The following ACACA variants were observed in gnomAD, a reference collection of about 807,000 sequenced individuals.
The protein encoded by ACACA is acetyl-CoA carboxylase alpha.
In ACACA, 103 loss-of-function variants were observed where a neutral mutation model predicts 296.1. The observed-to-expected ratio is 0.35, with a 90% CI of 0.30 to 0.41. The LOEUF (loss-of-function observed/expected upper bound fraction) is 0.41. Among genes scored for constraint, ACACA ranks in the 10% least tolerant of loss-of-function variants. ACACA has a pLI of 1.00. For synonymous variants in ACACA, 953 were observed against 1,038.6 expected (o/e 0.92, Z 1.58); for missense variants, 1,554 against 2,989.7 (o/e 0.52, Z 11.20).
intron 50 of ACACA, among the ~76,000 whole-genome samples, chr17:37,114,740 T>C (rs987170628): frequency 3.9e-5 from 6 of 152,278 alleles, no homozygotes; most frequent in African/African-American, 1.4e-4. Context: ...AGATGTTTAA[T>C]GAGTACTTCA....
intron 11 of ACACA, among the ~76,000 whole-genome samples, chr17:37,260,348 G>C (rs1362285418): frequency 1.6e-5 from 2 of 125,782 alleles, no homozygotes; most frequent in Non-Finnish European, 3.2e-5. Context: ...CACCCACCCA[G>C]GATGGAGCAC....
At chr17:37,287,589 A>AC (rs2082841383) in intron 3 of ACACA, among the ~76,000 whole-genome samples, 3 of 147,870 alleles carry the variant, frequency 2.0e-5, no homozygotes, top group Non-Finnish European at 4.5e-5. Context: ...AAAAAAAAAA[A>AC]ACAAATATCC....
intron 14 of ACACA, among the ~76,000 whole-genome samples, chr17:37,255,309 T>C (rs2081179226): frequency 6.6e-6 from 1 of 152,144 alleles, no homozygotes; most frequent in Non-Finnish European, 1.5e-5. Context: ...TATACTGGAA[T>C]ATATGAGTTG....
intron 45 of ACACA, among the ~76,000 whole-genome samples, chr17:37,135,137 C>T (rs893573820): frequency 1.3e-5 from 2 of 152,210 alleles, no homozygotes; most frequent in African/African-American, 2.4e-5. Flanking sequence ...GTAATTCAAT[C>T]TCCAATTAAC....
At chr17:37,365,850 C>G in intron 1 of ACACA, 1 of 462,350 alleles carries the variant, frequency 2.2e-6, no homozygotes, top group Non-Finnish European at 2.8e-6. Context: ...CATGGCATTT[C>G]TGCTCTCACT....
intron 3 of ACACA, among the ~76,000 whole-genome samples, chr17:37,303,118 C>T (rs932901993): frequency 6.6e-6 from 1 of 152,102 alleles, no homozygotes; most frequent in Non-Finnish European, 1.5e-5. Context: ...TTTATTACCT[C>T]CAAAAGAAAC....
chr17:37,101,360 C>CAAAGCT (rs937985647), intron 52 of ACACA, among the ~76,000 whole-genome samples: 11 of 152,120 alleles, frequency 7.2e-5, no homozygotes, highest in Non-Finnish European at 1.5e-4. Flanking sequence ...AATCAATAAT[C>CAAAGCT]AAAGCTAATA....
chr17:37,121,052 T>A (rs764168939), intron 50 of ACACA, among the ~76,000 whole-genome samples: 2 of 151,904 alleles, frequency 1.3e-5, no homozygotes, highest in African/African-American at 2.4e-5. Flanking sequence ...AGGGACAGAG[T>A]CACAATCATA....
chr17:37,169,528 A>C lies in ACACA; in HGVS notation c.5080-7478T>G, dbSNP rs533442611. Among the ~76,000 whole-genome samples the C allele has an allele frequency of 8.5e-4, 129 of 152,308 alleles. 1 individual carries two copies. Among genetic ancestry groups the C allele is most frequent in the African/African-American group, 3.0e-3 (126 of 41,560 alleles). On this transcript the variant is annotated intron_variant, in intron 41 of 55. Transcript: ENST00000616317. The stretch of plus-strand genomic sequence containing the variant: ...GGATTAGATCATTGCTTTGGAAGAG[A>C]GTCATATTTCACTCTCTAATTAGTA...
At chr17:37,390,907 T>C (rs1414511890) in intron 1 of ACACA, among the ~76,000 whole-genome samples, 4 of 152,088 alleles carry the variant, frequency 2.6e-5, no homozygotes, top group Admixed American at 2.0e-4. Flanking sequence ...GCAACTGTGA[T>C]TGAACTTCTA....
intron 42 of ACACA, 134 bp from the exon 43 acceptor site, chr17:37,155,914 T>C: frequency 1.4e-6 from 1 of 690,868 alleles, no homozygotes; most frequent in Non-Finnish European, 2.6e-6. Context: ...GTTTACTGTC[T>C]AACAGAATAC....
At position 37,085,389 on chromosome 17, in the gene ACACA, C is replaced by T. The variant is rs539038401; in HGVS notation, c.*1927G>A. The T allele has an allele frequency of 1.7e-4, 66 of 388,474 alleles. No homozygotes were observed. In the South Asian group the frequency reaches 8.5e-3, roughly 50 times the overall value. 24.1% of individuals were successfully genotyped at this position (388,474 alleles called of 1,614,324 possible). Reference sequence around the variant, plus strand: ...GGAGAGGGGAGGTAAATGAGTGTAACCCACCCTGCCTCTGAAGACATGCCT... The same window carrying T: ...GGAGAGGGGAGGTAAATGAGTGTAATCCACCCTGCCTCTGAAGACATGCCT... On this transcript the variant is annotated 3_prime_UTR_variant, in exon 56 of 56. Transcript: ENST00000616317.
intron 50 of ACACA, among the ~76,000 whole-genome samples, chr17:37,119,039 G>A (rs2074391900): frequency 6.6e-6 from 1 of 152,158 alleles, no homozygotes; most frequent in South Asian, 2.1e-4. Flanking sequence ...TACATTCTCA[G>A]TGGGCCCCCC....
intron 1 of ACACA, among the ~76,000 whole-genome samples, chr17:37,368,276 A>G (rs1456051223): frequency 3.9e-5 from 6 of 151,968 alleles, no homozygotes; most frequent in Non-Finnish European, 1.5e-5. Flanking sequence ...CGTCTCAAAA[A>G]ATAAATAAAT....
intron 1 of ACACA, among the ~76,000 whole-genome samples, chr17:37,346,031 T>A (rs534913219): frequency 6.6e-6 from 1 of 152,156 alleles, no homozygotes. Context: ...TGAGCTATAA[T>A]GGAGCCCCTG....
intron 3 of ACACA, among the ~76,000 whole-genome samples, chr17:37,326,668 T>C (rs111430286): frequency 0.023 from 3,507 of 151,090 alleles, 70 homozygotes; most frequent in Non-Finnish European, 0.038. Context: ...CTGTCTCTAC[T>C]AAAAATACAA....
At chr17:37,112,883 GT>G (rs955589686) in intron 51 of ACACA, among the ~76,000 whole-genome samples, 2 of 152,176 alleles carry the variant, frequency 1.3e-5, no homozygotes, top group East Asian at 1.9e-4. Flanking sequence ...CTCCCTTACA[GT>G]TTTTTTGGGT....
At chr17:37,180,401 CAT>C (rs1051860534) in intron 40 of ACACA, among the ~76,000 whole-genome samples, 1 of 152,134 alleles carries the variant, frequency 6.6e-6, no homozygotes, top group African/African-American at 2.4e-5. Context: ...ACTACGGCTA[CAT>C]ATATTACTTT....
chr17:37,327,796 TAGC>T (rs975072088), intron 3 of ACACA, among the ~76,000 whole-genome samples: 1 of 152,200 alleles, frequency 6.6e-6, no homozygotes, highest in Non-Finnish European at 1.5e-5. Context: ...ACATTTTGAG[TAGC>T]AGATTTCTTG....
Sources: gnomAD v4.1 joint callset for allele counts (sites outside exome capture counted in the v4.1 genomes callset) on GRCh38, gnomAD v4.1.1 for gene constraint, MANE v1.5 for transcripts, NCBI Gene and HGNC (gene_info 2026-07-23, HGNC 2026-07-21) for gene names.